The following PARG variants were observed in gnomAD, a reference collection of about 807,000 sequenced individuals.
PARG encodes poly(ADP-ribose) glycohydrolase, also known as mitochondrial poly(ADP-ribose) glycohydrolase.
Under a neutral mutation model 113.0 loss-of-function variants are expected in PARG, and 35 were observed. The ratio of observed to expected loss-of-function variants is 0.31; its 90% CI spans 0.24 to 0.41. The LOEUF is 0.41. PARG is among the 10% of genes least tolerant of loss of function. The pLI, the probability that PARG is intolerant of heterozygous loss-of-function variation, is 1.00. For missense variants in PARG, 797 were observed against 1,169.4 expected, an observed-to-expected ratio of 0.68 and a Z score of 4.64; for synonymous variants, 330 against 409.9, an observed-to-expected ratio of 0.81 and a Z score of 2.36.
intron 9 of PARG, among the ~76,000 whole-genome samples, chr10:49,879,191 A>T (rs1265172940): frequency 1.3e-5 from 2 of 152,214 alleles, no homozygotes; most frequent in Non-Finnish European, 2.9e-5. Context: ...TTCACTTTTC[A>T]TCAAAACAAT....
rs1838600362 is a variant in PARG at position 49,933,657 on chromosome 10, G to A, written c.791C>T (p.Ser264Leu). 7.5e-6 allele frequency: 12 copies of A among 1,609,742 alleles called. No homozygotes were observed. In the East Asian group the frequency reaches 1.1e-4, roughly 15 times the overall value. Residue 264 changes from serine (S) to leucine (L), a missense_variant, in exon 3 of 18, where the codon TCA becomes TTA. By Grantham distance (145) the Ser-to-Leu change is moderately radical (BLOSUM62 -2). Around this residue, in one of 5 missense-constraint regions of PARG, gnomAD observed 284 missense variants for 306.1 expected, o/e 0.93. Coordinates refer to ENST00000616448, the MANE Select transcript of PARG (RefSeq NM_003631.5). ...EIDVVPESPL[S>L]DVGSEDVGTG... is the part of the protein sequence containing the mutation. ...ACCAACATCCTCAGAGCCAACATCTGACAATGGACTCTCTGGCACCACATC... is the reference window on the plus strand; with the variant it reads ...ACCAACATCCTCAGAGCCAACATCTAACAATGGACTCTCTGGCACCACATC...
At chr10:49,860,246 T>C (rs1846191795) in intron 12 of PARG, among the ~76,000 whole-genome samples, 1 of 152,054 alleles carries the variant, frequency 6.6e-6, no homozygotes, top group African/African-American at 2.4e-5. Flanking sequence ...GATCTCAACC[T>C]TAACTGTTGT....
At chr10:49,843,465 T>C in intron 14 of PARG, 89 bp downstream of exon 14, 2 of 776,488 alleles carry the variant, frequency 2.6e-6, no homozygotes, top group South Asian at 3.1e-5. Context: ...CTTGCTGAAA[T>C]ACAAGTAGAC....
rs186433169 is a variant in PARG at position 49,830,502 on chromosome 10, G to A, written c.2647+2301C>T. ...CTAACTCAGTAACTTCAGCCTGATC[G>A]GTTGAAATAAATGAAGAAGCAGAAA... On this transcript the variant is annotated intron_variant, in intron 16 of 17. Transcript: ENST00000616448. Among the ~76,000 whole-genome samples, 3 of 152,236 alleles carry A rather than the reference G, an allele frequency of 2.0e-5. No individual in the cohort carries two copies. The East Asian group carries it at 5.8e-4, about 29-fold the overall frequency.
At chr10:49,884,298 C>T (rs1554840007) in intron 8 of PARG, among the ~76,000 whole-genome samples, 1 of 152,158 alleles carries the variant, frequency 6.6e-6, no homozygotes, top group South Asian at 2.1e-4. Flanking sequence ...AAATAAAATA[C>T]AGGATTCTTT....
At chr10:49,889,152 A>C (rs1402314237) in intron 7 of PARG, among the ~76,000 whole-genome samples, 1 of 150,880 alleles carries the variant, frequency 6.6e-6, no homozygotes, top group African/African-American at 2.4e-5. Context: ...GGCTACTTTA[A>C]AATAATTGTC....
chr10:49,896,802 T>C (rs1194004292), intron 7 of PARG, among the ~76,000 whole-genome samples: 5 of 152,358 alleles, frequency 3.3e-5, no homozygotes, highest in East Asian at 1.9e-4. Context: ...CGGAGGTATA[T>C]ATATATGGCT....
chr10:49,822,224 CTGTGTGTGTG>C (rs150376140), intron 16 of PARG, among the ~76,000 whole-genome samples: 3 of 149,510 alleles, frequency 2.0e-5, no homozygotes, highest in African/African-American at 7.4e-5. Flanking sequence ...ATATGTGTAT[CTGTGTGTGTG>C]TGTGTGTGTA....
chr10:49,916,986 A>C (rs1470844519), intron 6 of PARG, among the ~76,000 whole-genome samples: 1 of 152,116 alleles, frequency 6.6e-6, no homozygotes, highest in Non-Finnish European at 1.5e-5. Flanking sequence ...ATAGTACTTC[A>C]TGCCATACTA....
chr10:49,929,826 C>CA (rs1238299427), intron 4 of PARG, among the ~76,000 whole-genome samples: 10,391 of 84,694 alleles, frequency 0.12, 476 homozygotes, highest in Non-Finnish European at 0.15. Flanking sequence ...AAAACTCCAT[C>CA]AAAAAAAAAA....
chr10:49,900,164 T>C (rs2132738568), intron 7 of PARG, among the ~76,000 whole-genome samples: 1 of 150,904 alleles, frequency 6.6e-6, no homozygotes, highest in South Asian at 2.1e-4. Context: ...CCAGCTCTTA[T>C]CAGCTAGTGC....
chr10:49,919,801 A>C (rs1436610875), intron 6 of PARG, among the ~76,000 whole-genome samples: 2 of 152,178 alleles, frequency 1.3e-5, no homozygotes, highest in Non-Finnish European at 2.9e-5. Flanking sequence ...GAATCGCTTG[A>C]GCCAGGGAGG....
intron 7 of PARG, among the ~76,000 whole-genome samples, chr10:49,912,491 A>C (rs374862978): frequency 4.5e-3 from 682 of 150,496 alleles, no homozygotes; most frequent in East Asian, 0.019. Context: ...GGTGAAACCC[A>C]GTCTCTAATA....
At chr10:49,892,801 G>A (rs1173844798) in intron 7 of PARG, among the ~76,000 whole-genome samples, 4 of 152,122 alleles carry the variant, frequency 2.6e-5, no homozygotes, top group South Asian at 2.1e-4. Flanking sequence ...TAGAGTTCAC[G>A]CCAGGCACGG....
intron 16 of PARG, among the ~76,000 whole-genome samples, chr10:49,826,594 G>A (rs1844370973): frequency 6.6e-6 from 1 of 152,152 alleles, no homozygotes; most frequent in African/African-American, 2.4e-5. Context: ...CATAAGGTCT[G>A]AAAGAAATTT....
intron 7 of PARG, among the ~76,000 whole-genome samples, chr10:49,896,602 T>C (rs1588958154): frequency 6.6e-6 from 1 of 152,270 alleles, no homozygotes; most frequent in South Asian, 2.1e-4. Flanking sequence ...AGTTTTTCAC[T>C]CTGAATGGTT....
At chr10:49,866,925 G>A (rs1846543002) in intron 10 of PARG, 1 of 151,486 alleles carries the variant, frequency 6.6e-6, no homozygotes, top group Non-Finnish European at 1.5e-5. Context: ...TCAGTCTCAA[G>A]ATCTTCATCA....
At chr10:49,849,987 T>C (rs1346899451) in intron 13 of PARG, among the ~76,000 whole-genome samples, 3 of 152,150 alleles carry the variant, frequency 2.0e-5, no homozygotes, top group African/African-American at 7.2e-5. Context: ...CACTGTACCC[T>C]AGCCTGGGTG....
chr10:49,890,033 TCTTAA>T (rs1434621807), intron 7 of PARG, among the ~76,000 whole-genome samples: 3 of 152,224 alleles, frequency 2.0e-5, no homozygotes, highest in Non-Finnish European at 2.9e-5. Flanking sequence ...GTACGTCATT[TCTTAA>T]CTTCACGAAA....
Sources: allele counts gnomAD v4.1 joint callset (sites outside exome capture counted in the v4.1 genomes callset), GRCh38; gene constraint gnomAD v4.1.1; regional missense constraint gnomAD v4.1.1; transcripts MANE v1.5; gene names NCBI Gene and HGNC (gene_info 2026-07-23, HGNC 2026-07-21).